SRGAP1: variants seen among roughly 807,000 people sequenced by gnomAD.
SRGAP1 encodes SLIT-ROBO Rho GTPase-activating protein 1.
Under a neutral mutation model 121.9 loss-of-function variants are expected in SRGAP1, and 43 were observed. The ratio of observed to expected loss-of-function variants is 0.35; its 90% CI spans 0.28 to 0.46. The LOEUF (loss-of-function observed/expected upper bound fraction) is 0.46. Among genes scored for constraint, SRGAP1 ranks in the 20% least tolerant of loss-of-function variants. SRGAP1 has a pLI of 1.00. For missense variants in SRGAP1, 1,102 were observed against 1,350.9 expected (o/e 0.82, Z 2.89); for synonymous variants, 447 against 485.4 (o/e 0.92, Z 1.04).
intron 8 of SRGAP1, among the ~76,000 whole-genome samples, chr12:64,073,541 A>T (rs1260430129): frequency 6.6e-6 from 1 of 152,220 alleles, no homozygotes; most frequent in Non-Finnish European, 1.5e-5. Flanking sequence ...AAGATGCTCA[A>T]GTCCCTTATA....
chr12:64,134,562 C>T (rs2036831834), intron 21 of SRGAP1, among the ~76,000 whole-genome samples: 1 of 152,148 alleles, frequency 6.6e-6, no homozygotes, highest in African/African-American at 2.4e-5. Flanking sequence ...CTTTGGATCC[C>T]TTCCTCTACA....
At chr12:64,027,965 A>G (rs181316304) in intron 4 of SRGAP1, among the ~76,000 whole-genome samples, 16 of 152,222 alleles carry the variant, frequency 1.1e-4, no homozygotes, top group African/African-American at 2.9e-4. Context: ...TAAATATTTC[A>G]TATATTAAAC....
Position 64,157,334 on chromosome 12 carries a change from T to C in SRGAP1, c.*14662T>C, listed in dbSNP as rs956646892. The C allele has an allele frequency of 2.0e-5, 3 of 152,130 alleles. No individual in the cohort carries two copies. The highest frequency in any genetic ancestry group is 7.2e-5 in the African/African-American group (3 of 41,430). The allele number at this position is 152,130 out of a possible 1,614,324, so 9.4% of individuals were successfully genotyped here. A position where few individuals can be genotyped will look rare whatever the true frequency, so the allele number is the denominator to read the frequency against. Reference sequence around the variant, plus strand: ...GTAACAAACAACCCCCCAAACTCAGTAACACAATCAAGCTGTATTTCTCCT... The same window carrying C: ...GTAACAAACAACCCCCCAAACTCAGCAACACAATCAAGCTGTATTTCTCCT... On this transcript the variant is annotated 3_prime_UTR_variant, in exon 22 of 22. Coordinates refer to ENST00000355086, the MANE Select transcript of SRGAP1 (RefSeq NM_020762.4).
chr12:63,943,712 C>T (rs1400287927), intron 1 of SRGAP1, among the ~76,000 whole-genome samples: 1 of 151,942 alleles, frequency 6.6e-6, no homozygotes, highest in Non-Finnish European at 1.5e-5. Flanking sequence ...TTTGAGTTGC[C>T]TGAAGGCATC....
chr12:63,997,822 A>G (rs1275733250), intron 3 of SRGAP1, among the ~76,000 whole-genome samples: 8 of 152,106 alleles, frequency 5.3e-5, no homozygotes, highest in Non-Finnish European at 1.2e-4. Context: ...CACTCTTAAG[A>G]TGGTTAAAAT....
intron 1 of SRGAP1, among the ~76,000 whole-genome samples, chr12:63,944,959 CTG>C (rs923303865): frequency 1.5e-4 from 23 of 152,164 alleles, no homozygotes; most frequent in African/African-American, 5.3e-4. Flanking sequence ...CCCTCTCTGA[CTG>C]TGCAGTGACA....
At chr12:64,133,236 CT>C (rs2036812121) in intron 21 of SRGAP1, among the ~76,000 whole-genome samples, 1 of 152,206 alleles carries the variant, frequency 6.6e-6, no homozygotes, top group African/African-American at 2.4e-5. Flanking sequence ...GTAAAGCCTG[CT>C]CTAATGGCTT....
chr12:64,048,958 T>A (rs1022821391), intron 6 of SRGAP1, among the ~76,000 whole-genome samples: 1 of 152,234 alleles, frequency 6.6e-6, no homozygotes, highest in East Asian at 1.9e-4. Flanking sequence ...GGATTCTCTC[T>A]TCACTTTGTT....
At chr12:63,870,359 A>G (rs1592899909) in intron 1 of SRGAP1, among the ~76,000 whole-genome samples, 1 of 152,252 alleles carries the variant, frequency 6.6e-6, no homozygotes, top group East Asian at 1.9e-4. Context: ...AGAAAAACAT[A>G]AGAAAAGGTA....
intron 12 of SRGAP1, among the ~76,000 whole-genome samples, 182 bp from the exon 13 acceptor site, chr12:64,094,750 G>T (rs567932269): frequency 6.6e-6 from 1 of 152,132 alleles, no homozygotes; most frequent in Admixed American, 6.5e-5. Flanking sequence ...AGATGAATTA[G>T]GTTTTGACAT....
At chr12:64,001,448 A>G (rs190998537) in intron 3 of SRGAP1, among the ~76,000 whole-genome samples, 26 of 152,292 alleles carry the variant, frequency 1.7e-4, no homozygotes, top group African/African-American at 2.2e-4. Context: ...CAATGGGACA[A>G]TGGTAAATGT....
rs1315854016 is a variant in SRGAP1 at position 64,108,934 on chromosome 12, ATAGATAATC to A, written c.1818_1826del (p.Asp607_Leu609del). On this transcript the variant is annotated inframe_deletion, in exon 16 of 22. Transcript: ENST00000355086. The stretch of plus-strand genomic sequence containing the variant: ...ACCATGTCATCTTCTGTCTGTAGGA[ATAGATAATC>A]TCTATGAGAGGGCGCTTCACATCCG... The A allele has an allele frequency of 6.3e-7, 1 of 1,593,866 alleles. No homozygotes were observed. The highest frequency in any genetic ancestry group is 1.3e-5 in the African/African-American group (1 of 74,614).
At chr12:64,063,444 G>C (rs2035485586) in intron 7 of SRGAP1, among the ~76,000 whole-genome samples, 1 of 152,152 alleles carries the variant, frequency 6.6e-6, no homozygotes, top group South Asian at 2.1e-4. Context: ...CATTTTGCTG[G>C]TCTGATAGAA....
At chr12:63,883,851 G>C (rs1424163267) in intron 1 of SRGAP1, among the ~76,000 whole-genome samples, 1 of 150,838 alleles carries the variant, frequency 6.6e-6, no homozygotes, top group African/African-American at 2.4e-5. Flanking sequence ...GTAGAGACGG[G>C]GTTTCACCAT....
chr12:64,021,437 T>C (rs778321811), intron 4 of SRGAP1, among the ~76,000 whole-genome samples: 16 of 152,220 alleles, frequency 1.1e-4, no homozygotes, highest in Non-Finnish European at 2.4e-4. Flanking sequence ...ATTATTTGCA[T>C]TATTTTATGT....
At chr12:63,889,564 A>G (rs767373479) in intron 1 of SRGAP1, among the ~76,000 whole-genome samples, 2 of 152,190 alleles carry the variant, frequency 1.3e-5, no homozygotes, top group Non-Finnish European at 2.9e-5. Context: ...GTGGAATCCA[A>G]TGCAATAGAG....
intron 3 of SRGAP1, among the ~76,000 whole-genome samples, chr12:64,004,242 G>A (rs1157536785): frequency 1.3e-5 from 2 of 152,130 alleles, no homozygotes; most frequent in Admixed American, 6.5e-5. Context: ...TAGGTCAGAA[G>A]GCACGCAGTC....
intron 1 of SRGAP1, among the ~76,000 whole-genome samples, chr12:63,855,786 C>A (rs966834501): frequency 2.0e-5 from 3 of 151,754 alleles, no homozygotes; most frequent in Admixed American, 6.6e-5. Flanking sequence ...CCATGCCCAG[C>A]CAGAATTATT....
intron 1 of SRGAP1, among the ~76,000 whole-genome samples, chr12:63,943,380 T>G (rs1016331605): frequency 6.6e-6 from 1 of 152,350 alleles, no homozygotes; most frequent in South Asian, 2.1e-4. Flanking sequence ...ATAACATTCA[T>G]TGAGCTCTTA....
Sources: gnomAD v4.1 joint callset for allele counts (sites outside exome capture counted in the v4.1 genomes callset) on GRCh38, gnomAD v4.1.1 for gene constraint, MANE v1.5 for transcripts, NCBI Gene and HGNC (gene_info 2026-07-23, HGNC 2026-07-21) for gene names.